Variants in IQUB observed in about 807,000 individuals in gnomAD.
The protein encoded by IQUB is IQ motif and ubiquitin-like domain-containing protein.
In IQUB, 86 loss-of-function variants were observed where a neutral mutation model predicts 86.4. The ratio of observed to expected loss-of-function variants is 1.00; its 90% CI spans 0.84 to 1.19. IQUB has a LOEUF of 1.19. Among genes scored for constraint, IQUB ranks in the 50% most tolerant of loss-of-function variants. The pLI, the probability that IQUB is intolerant of heterozygous loss-of-function variation, is 0.00. For synonymous variants in IQUB, 289 were observed against 304.5 expected, an observed-to-expected ratio of 0.95 and a Z score of 0.53; for missense variants, 946 against 916.9, an observed-to-expected ratio of 1.03 and a Z score of -0.41.
intron 1 of IQUB, among the ~76,000 whole-genome samples, chr7:123,523,480 T>C (rs1797014112): frequency 6.6e-6 from 1 of 152,164 alleles, no homozygotes; most frequent in African/African-American, 2.4e-5. Flanking sequence ...TTCATGTGTT[T>C]TTTGGCTGCA....
chr7:123,504,846 C>G (rs913083456), intron 3 of IQUB, among the ~76,000 whole-genome samples: 1 of 152,140 alleles, frequency 6.6e-6, no homozygotes. Context: ...CTTAACAGTC[C>G]CCCAAGTATT....
At chr7:123,479,125 A>G (rs1485362756) in intron 8 of IQUB, among the ~76,000 whole-genome samples, 2 of 152,158 alleles carry the variant, frequency 1.3e-5, no homozygotes, top group African/African-American at 4.8e-5. Flanking sequence ...ACAGGCTAAC[A>G]TCTTAGAGAA....
chr7:123,505,067 C>A (rs1562863754), intron 3 of IQUB, among the ~76,000 whole-genome samples: 1 of 152,180 alleles, frequency 6.6e-6, no homozygotes, highest in African/African-American at 2.4e-5. Context: ...AGTTCAAAAC[C>A]CAGCAGGGCA....
At chr7:123,485,177 C>A (rs1394203795) in intron 7 of IQUB, among the ~76,000 whole-genome samples, 2 of 152,066 alleles carry the variant, frequency 1.3e-5, no homozygotes, top group African/African-American at 2.4e-5. Context: ...CGTCAAAATT[C>A]TGGAGGCTAA....
At chr7:123,493,434 G>C (rs558141714) in intron 7 of IQUB, among the ~76,000 whole-genome samples, 9 of 152,060 alleles carry the variant, frequency 5.9e-5, no homozygotes, top group Non-Finnish European at 7.4e-5. Flanking sequence ...TTCTTTATGA[G>C]GGAGAGAGAG....
intron 7 of IQUB, among the ~76,000 whole-genome samples, chr7:123,480,323 CG>C (rs764610339): frequency 6.6e-6 from 1 of 152,028 alleles, no homozygotes; most frequent in Non-Finnish European, 1.5e-5. Context: ...CTTGTCACAA[CG>C]GGTAAAGGTA....
chr7:123,528,387 T>A (rs1283563061), intron 1 of IQUB, among the ~76,000 whole-genome samples: 1 of 152,258 alleles, frequency 6.6e-6, no homozygotes, highest in African/African-American at 2.4e-5. Context: ...CAAATACTTA[T>A]ACCAAATTAT....
chr7:123,512,303 A>T lies in IQUB; in HGVS notation c.38T>A (p.Ile13Lys). 6.3e-7 allele frequency: 1 copy of T among 1,599,500 alleles called. No homozygotes were observed. Among genetic ancestry groups the T allele is most frequent in the Non-Finnish European group, 8.6e-7 (1 of 1,168,548 alleles). The change falls in exon 2 of 13, where the codon ATA (isoleucine) becomes AAA (lysine). Residue 13 changes from isoleucine to lysine, a missense_variant. Ile to Lys is a moderately radical substitution (Grantham distance 102). Coordinates refer to ENST00000324698, the MANE Select transcript of IQUB (RefSeq NM_178827.5). ...ATCACTCTCTTCTGTTGAATTGACT[A>T]TATTCTGAGCTTCATACTTCTCCTG... ...NQQEKYEAQN[I>K]VNSTEESDDA...
In IQUB at chr7:123,489,841, C is replaced by T. The variant is rs531868782; in HGVS notation, c.1234+6855G>A. ...GAAAAGTTAATATCAGAGATAGTGG[C>T]TAAGAATTATCCAGAATTTATAAAA... On this transcript the variant is annotated intron_variant, in intron 7 of 12. Coordinates refer to ENST00000324698, the MANE Select transcript of IQUB (RefSeq NM_178827.5). Among the ~76,000 whole-genome samples the T allele has an allele frequency of 5.0e-4, 76 of 151,880 alleles. 1 individual carries two copies. Among genetic ancestry groups the T allele is most frequent in the African/African-American group, 1.8e-3 (75 of 41,506 alleles).
At chr7:123,528,862 G>T (rs1797386795) in intron 1 of IQUB, among the ~76,000 whole-genome samples, 2 of 152,014 alleles carry the variant, frequency 1.3e-5, no homozygotes, top group Non-Finnish European at 2.9e-5. Flanking sequence ...TAATTTTATT[G>T]GTTCCTAATA....
intron 7 of IQUB, among the ~76,000 whole-genome samples, chr7:123,495,975 A>C (rs929385677): frequency 2.0e-5 from 3 of 152,160 alleles, no homozygotes; most frequent in East Asian, 3.9e-4. Context: ...ATAAAAATGA[A>C]AAGTTTCAGG....
intron 6 of IQUB, among the ~76,000 whole-genome samples, chr7:123,500,650 C>T (rs1795903370): frequency 6.6e-6 from 1 of 152,078 alleles, no homozygotes; most frequent in South Asian, 2.1e-4. Context: ...TAACAAATTC[C>T]TCTGTTAACA....
chr7:123,503,334 C>T lies in IQUB; in HGVS notation c.562G>A (p.Val188Ile), dbSNP rs1279409064. 2 of 1,542,560 alleles carry T rather than the reference C, an allele frequency of 1.3e-6. No homozygotes were observed. The highest frequency in any genetic ancestry group is 1.4e-5 in the African/African-American group (1 of 71,712). ...TCCTGTGGCTTAACTCCATGTTGTA[C>T]TAGAGTCTCATTATTTTTAAGAATT... ...GKILKNNETL[V>I]QHGVKPQEIV... Residue 188 changes from valine to isoleucine, a missense_variant, in exon 4 of 13, where the codon GTA (valine) becomes ATA (isoleucine). Val to Ile is a conservative substitution (Grantham distance 29). Coordinates refer to ENST00000324698, the MANE Select transcript of IQUB (RefSeq NM_178827.5).
chr7:123,534,255 C>G, intron 1 of IQUB, among the ~76,000 whole-genome samples: 1 of 152,186 alleles, frequency 6.6e-6, no homozygotes, highest in East Asian at 1.9e-4. Flanking sequence ...CTTGATGCTG[C>G]TGGTTCAAGT....
At chr7:123,506,498 A>G (rs776952153) in intron 3 of IQUB, among the ~76,000 whole-genome samples, 1 of 152,128 alleles carries the variant, frequency 6.6e-6, no homozygotes, top group Non-Finnish European at 1.5e-5. Flanking sequence ...GCCTCAGGAA[A>G]CTTACAATCA....
chr7:123,520,780 C>G (rs1040526746), intron 1 of IQUB, among the ~76,000 whole-genome samples: 5 of 152,038 alleles, frequency 3.3e-5, no homozygotes, highest in African/African-American at 1.2e-4. Context: ...TGAAATGGAC[C>G]TGGGTGACAG....
chr7:123,528,522 A>G (rs1797371042), intron 1 of IQUB, among the ~76,000 whole-genome samples: 1 of 152,208 alleles, frequency 6.6e-6, no homozygotes, highest in South Asian at 2.1e-4. Flanking sequence ...AAATCCAGGC[A>G]GTCTGGATCC....
intron 1 of IQUB, among the ~76,000 whole-genome samples, chr7:123,527,052 C>CAT (rs1797253950): frequency 6.6e-6 from 1 of 152,126 alleles, no homozygotes; most frequent in African/African-American, 2.4e-5. Context: ...TTGTAGCCTT[C>CAT]ATTTCATTCA....
intron 1 of IQUB, among the ~76,000 whole-genome samples, chr7:123,531,174 T>C (rs1371361182): frequency 6.6e-6 from 1 of 152,098 alleles, no homozygotes; most frequent in Non-Finnish European, 1.5e-5. Context: ...CCTATCACAC[T>C]GTGGCATTAT....
Sources: gnomAD v4.1 joint callset for allele counts (sites outside exome capture counted in the v4.1 genomes callset) on GRCh38, gnomAD v4.1.1 for gene constraint, MANE v1.5 for transcripts, NCBI Gene and HGNC (gene_info 2026-07-23, HGNC 2026-07-21) for gene names.